NAALADL2: variants seen among roughly 807,000 people sequenced by gnomAD.
NAALADL2 encodes inactive N-acetylated-alpha-linked acidic dipeptidase-like protein 2.
NAALADL2 carries 76 observed loss-of-function variants against 87.2 expected under a neutral mutation model. That is an observed-to-expected ratio of 0.87 (90% CI 0.72 to 1.05). NAALADL2 has a LOEUF of 1.05. NAALADL2 is among the 50% of genes least tolerant of loss of function. The pLI is 0.00. For synonymous variants in NAALADL2, 354 were observed against 331.0 expected, an observed-to-expected ratio of 1.07 and a Z score of -0.75; for missense variants, 1,089 against 945.8, an observed-to-expected ratio of 1.15 and a Z score of -1.99.
At chr3:175,119,875 T>C (rs1398179114) in intron 2 of NAALADL2, among the ~76,000 whole-genome samples, 1 of 124,048 alleles carries the variant, frequency 8.1e-6, no homozygotes, top group Non-Finnish European at 1.7e-5. Flanking sequence ...TATGTGTATG[T>C]GTATATATAT....
chr3:175,737,277 A>G (rs773507322), intron 11 of NAALADL2, 29 bp from the exon 12 acceptor site: 8 of 1,255,204 alleles, frequency 6.4e-6, no homozygotes, highest in Non-Finnish European at 7.0e-6. Flanking sequence ...ACTGAATGCT[A>G]GTATTTTCTT....
chr3:175,448,140 T>A (rs1295639807), intron 6 of NAALADL2, among the ~76,000 whole-genome samples: 6 of 152,224 alleles, frequency 3.9e-5, no homozygotes, highest in African/African-American at 7.2e-5. Flanking sequence ...TGAAGAAATA[T>A]GTACAAAAAA....
chr3:175,077,059 CATT>C, intron 1 of NAALADL2, among the ~76,000 whole-genome samples: 1 of 152,216 alleles, frequency 6.6e-6, no homozygotes, highest in South Asian at 2.1e-4. Context: ...ATTAAAGGTT[CATT>C]AAGCTGTGTT....
At chr3:175,508,246 A>G (rs1241874005) in intron 9 of NAALADL2, among the ~76,000 whole-genome samples, 1 of 152,176 alleles carries the variant, frequency 6.6e-6, no homozygotes, top group African/African-American at 2.4e-5. Context: ...AACCTCCAAC[A>G]GTGGGGATGA....
chr3:175,657,580 T>G (rs1424237213), intron 11 of NAALADL2, among the ~76,000 whole-genome samples: 7 of 130,914 alleles, frequency 5.3e-5, no homozygotes, highest in African/African-American at 2.4e-4. Flanking sequence ...CATTTTACTG[T>G]TTTTTTTTTT....
chr3:174,561,985 T>C (rs1402687606), intron 2 of NAALADL2, among the ~76,000 whole-genome samples: 1 of 152,184 alleles, frequency 6.6e-6, no homozygotes, highest in Non-Finnish European at 1.5e-5. Flanking sequence ...AAAATATTTT[T>C]CTACAGCTAT....
intron 1 of NAALADL2, among the ~76,000 whole-genome samples, chr3:174,541,720 G>A (rs1259844348): frequency 6.6e-5 from 10 of 152,078 alleles, no homozygotes; most frequent in African/African-American, 1.9e-4. Flanking sequence ...AACAAAATAG[G>A]CAGTAAAAAA....
At chr3:175,089,754 G>A (rs1481085611) in intron 1 of NAALADL2, among the ~76,000 whole-genome samples, 1 of 151,656 alleles carries the variant, frequency 6.6e-6, no homozygotes, top group Non-Finnish European at 1.5e-5. Flanking sequence ...AAAGATAACA[G>A]AAAAAAAATA....
chr3:174,932,781 T>C (rs1478925382), intron 1 of NAALADL2, among the ~76,000 whole-genome samples: 1 of 152,182 alleles, frequency 6.6e-6, no homozygotes, highest in Non-Finnish European at 1.5e-5. Flanking sequence ...ATGGTCAAGA[T>C]TACCTTTAGT....
At chr3:175,568,142 AT>A (rs1445230846) in intron 9 of NAALADL2, among the ~76,000 whole-genome samples, 2 of 151,172 alleles carry the variant, frequency 1.3e-5, no homozygotes, top group African/African-American at 4.9e-5. Context: ...TTCTGGAGAT[AT>A]TTTGTTTATG....
At chr3:175,074,187 A>G (rs1716170601) in intron 1 of NAALADL2, among the ~76,000 whole-genome samples, 1 of 152,098 alleles carries the variant, frequency 6.6e-6, no homozygotes, top group African/African-American at 2.4e-5. Flanking sequence ...GCATCAAAGA[A>G]CAAGATGAAG....
chr3:175,100,993 G>C lies in NAALADL2; in HGVS notation c.545+3702G>C, dbSNP rs934409559. 2.6e-5 allele frequency among the ~76,000 whole-genome samples: 4 copies of C among 152,078 alleles called. No homozygotes were observed. The East Asian group carries it at 7.7e-4, about 29-fold the overall frequency. On this transcript the variant is annotated intron_variant, in intron 2 of 13. Transcript: ENST00000454872. ...GCTTGAGGTGTGTTCAGAGGCCTGG[G>C]GGTTGTAAGCAGGAGCTGGAGGAGG...
chr3:175,365,519 T>C (rs1198523710), intron 5 of NAALADL2, among the ~76,000 whole-genome samples: 3 of 147,790 alleles, frequency 2.0e-5, no homozygotes, highest in African/African-American at 7.4e-5. Context: ...GTTAAATCAT[T>C]ATGACCCATT....
intron 3 of NAALADL2, among the ~76,000 whole-genome samples, chr3:174,767,683 T>A (rs1222454476): frequency 6.6e-6 from 1 of 152,234 alleles, no homozygotes; most frequent in Non-Finnish European, 1.5e-5. Context: ...CATGTTCATG[T>A]AAATGAACTT....
intron 1 of NAALADL2, among the ~76,000 whole-genome samples, chr3:174,517,003 A>G (rs1001663595): frequency 5.9e-5 from 9 of 152,028 alleles, no homozygotes; most frequent in African/African-American, 2.2e-4. Context: ...AAAATGTAAT[A>G]TTAGCCAGGA....
intron 13 of NAALADL2, among the ~76,000 whole-genome samples, chr3:175,800,747 C>T (rs1754048218): frequency 6.6e-6 from 1 of 152,108 alleles, no homozygotes; most frequent in African/African-American, 2.4e-5. Context: ...TAAGTTAAAT[C>T]ACCATGACTA....
At chr3:175,471,897 G>A in intron 9 of NAALADL2, 139 bp downstream of exon 9, 1 of 756,098 alleles carries the variant, frequency 1.3e-6, no homozygotes, top group Admixed American at 3.4e-5. Flanking sequence ...ATCTATTGCT[G>A]ACATTTTATC....
rs150981457 is a variant in NAALADL2, at chr3:175,682,283, G to A, written c.1896+54897G>A. 2.0e-3 allele frequency among the ~76,000 whole-genome samples: 310 copies of A among 152,068 alleles called. 2 individuals are homozygous for A. The highest frequency in any genetic ancestry group is 7.0e-3 in the African/African-American group (292 of 41,540). On this transcript the variant is annotated intron_variant, in intron 11 of 13. Transcript: ENST00000454872. ...ATTGTTATAAAATTTTATAACATAT[G>A]TGTTTATTCTAAATTTAAGAAATAA... is the stretch of plus-strand genomic sequence containing the variant.
intron 2 of NAALADL2, among the ~76,000 whole-genome samples, chr3:174,646,761 G>A (rs1046433206): frequency 6.6e-6 from 1 of 152,032 alleles, no homozygotes; most frequent in Non-Finnish European, 1.5e-5. Context: ...TTTTATAGAT[G>A]AGCTGGGAAT....
Sources: gnomAD v4.1 joint callset for allele counts (sites outside exome capture counted in the v4.1 genomes callset) on GRCh38, gnomAD v4.1.1 for gene constraint, MANE v1.5 for transcripts, NCBI Gene and HGNC (gene_info 2026-07-23, HGNC 2026-07-21) for gene names.